ETV4: variants seen among roughly 807,000 people sequenced by gnomAD.
The protein encoded by ETV4 is ETS variant transcription factor 4.
A neutral mutation model predicts 65.9 loss-of-function variants in ETV4; 42 were observed. The ratio of observed to expected loss-of-function variants is 0.64; its 90% CI spans 0.50 to 0.82. The LOEUF is 0.82. ETV4 is among the 40% of genes least tolerant of loss of function. ETV4 has a pLI of 0.00. For synonymous variants in ETV4, 238 were observed against 260.0 expected, an observed-to-expected ratio of 0.92 and a Z score of 0.81; for missense variants, 583 against 630.3, an observed-to-expected ratio of 0.92 and a Z score of 0.80.
chr17:43,536,530 T>C, intron 4 of ETV4, 51 bp from the exon 5 acceptor site: 1 of 1,560,900 alleles, frequency 6.4e-7, no homozygotes, highest in South Asian at 1.1e-5. Flanking sequence ...GGTTGTCCCC[T>C]GGGAGGCTCC....
chr17:43,545,163 T>G, intron 3 of ETV4, 111 bp downstream of exon 3: 11 of 1,270,258 alleles, frequency 8.7e-6, no homozygotes, highest in Non-Finnish European at 1.0e-5. Flanking sequence ...GCGAGTTTTT[T>G]GGGGAAACAG....
At chr17:43,530,620 G>GCA (rs1473927580) in intron 8 of ETV4, among the ~76,000 whole-genome samples, 16 of 151,730 alleles carry the variant, frequency 1.1e-4, no homozygotes, top group Admixed American at 1.0e-3. Context: ...GTGTGTGTGT[G>GCA]TGTGTGTGTG....
Position 43,545,194 on chromosome 17 carries a change from C to CGTGTGTGT in ETV4, c.154+72_154+79dup, listed in dbSNP as rs34640745. The CGTGTGTGT allele has an allele frequency of 0.046, 28,640 of 629,290 alleles. 386 individuals are homozygous for CGTGTGTGT. Among genetic ancestry groups the CGTGTGTGT allele is most frequent in the African/African-American group, 0.08 (3,619 of 45,124 alleles). The allele number at this position is 629,290 out of a possible 1,614,324, so 39.0% of individuals were successfully genotyped here. Reference sequence around the variant, plus strand: ...AACAGGCGGGGGTTCCAGAATCGGCCGTGTGTGTGTGTGTGTGTGTGTGTG... The same window carrying CGTGTGTGT: ...AACAGGCGGGGGTTCCAGAATCGGCCGTGTGTGTGTGTGTGTGTGTGTGTGTGTGTGTG... On this transcript the variant is annotated intron_variant, in intron 3 of 12. Coordinates refer to ENST00000319349, the MANE Select transcript of ETV4 (RefSeq NM_001079675.5).
intron 5 of ETV4, 35 bp from the exon 6 acceptor site, chr17:43,534,020 C>A: frequency 6.8e-7 from 1 of 1,479,434 alleles, no homozygotes; most frequent in Non-Finnish European, 8.9e-7. Flanking sequence ...AAGGCCAGAG[C>A]CTGTCACACA....
intron 4 of ETV4, among the ~76,000 whole-genome samples, chr17:43,542,956 G>T (rs1170200223): frequency 6.6e-6 from 1 of 152,178 alleles, no homozygotes; most frequent in Non-Finnish European, 1.5e-5. Context: ...CCCATGGGTT[G>T]CCGGGGTCAC....
At chr17:43,537,733 G>GCCTGTAATC (rs1971318849) in intron 4 of ETV4, among the ~76,000 whole-genome samples, 1 of 151,918 alleles carries the variant, frequency 6.6e-6, no homozygotes, top group Non-Finnish European at 1.5e-5. Flanking sequence ...GGTGGCTCAT[G>GCCTGTAATC]CCTGTAATCC....
intron 4 of ETV4, among the ~76,000 whole-genome samples, chr17:43,543,727 G>A (rs1185332225): frequency 6.6e-6 from 1 of 152,178 alleles, no homozygotes; most frequent in Non-Finnish European, 1.5e-5. Context: ...CGGGGATGAT[G>A]CACACAATAC....
At chr17:43,536,897 T>C (rs1281810021) in intron 4 of ETV4, among the ~76,000 whole-genome samples, 2 of 152,248 alleles carry the variant, frequency 1.3e-5, no homozygotes, top group African/African-American at 2.4e-5. Flanking sequence ...TCTCAGAACC[T>C]GTCTGAGCAG....
intron 4 of ETV4, among the ~76,000 whole-genome samples, chr17:43,537,631 G>C (rs143045212): frequency 2.0e-5 from 3 of 152,144 alleles, no homozygotes; most frequent in African/African-American, 7.2e-5. Flanking sequence ...AGGAGGCAGA[G>C]GTTGCAGTCA....
At position 43,533,942 on chromosome 17, in the gene ETV4, CTG is replaced by C; in HGVS notation, c.298_299del (p.Gln100GlufsTer31). 2 of 1,549,650 alleles carry C rather than the reference CTG, an allele frequency of 1.3e-6. No individual in the cohort carries two copies. Among genetic ancestry groups the C allele is most frequent in the Non-Finnish European group, 1.7e-6 (2 of 1,158,122 alleles). On this transcript the variant is annotated frameshift_variant, in exon 6 of 13. Transcript: ENST00000319349. LOFTEE classifies it high-confidence loss of function. ...SPTTRIKKEP[Q>X]SPRTDPALSC... ...ACAGGGCCGGGTCTGTGCGGGGACT[CTG>C]GGGCTCCTTCTTGATCCTGGTGGTG...
intron 4 of ETV4, 81 bp from the exon 5 acceptor site, chr17:43,536,560 T>C: frequency 7.9e-7 from 1 of 1,262,220 alleles, no homozygotes; most frequent in Non-Finnish European, 1.2e-6. Context: ...GCCCTGCAGA[T>C]TAGCAACAGC....
intron 6 of ETV4, 128 bp from the exon 7 acceptor site, chr17:43,533,476 G>A: frequency 1.1e-6 from 1 of 884,810 alleles, no homozygotes; most frequent in South Asian, 1.8e-5. Context: ...GCTGAGAAGG[G>A]AACGGCAGGA....
Position 43,544,678 on chromosome 17 carries a change from T to C in ETV4, c.202+297A>G, listed in dbSNP as rs117973220. The stretch of plus-strand genomic sequence containing the variant: ...CAAATGAAAATTTCAACCAGGAAAA[T>C]GGGCCTGGGGCCAAGTTCCATTCAA... On this transcript the variant is annotated intron_variant, in intron 4 of 12. Coordinates refer to ENST00000319349, the MANE Select transcript of ETV4 (RefSeq NM_001079675.5). 404 of 283,916 alleles carry C rather than the reference T, an allele frequency of 1.4e-3. 2 individuals carry two copies. Among genetic ancestry groups the C allele is most frequent in the Non-Finnish European group, 9.9e-4 (149 of 150,646 alleles). The allele number at this position is 283,916 out of a possible 1,614,324, so 17.6% of individuals were successfully genotyped here. A position where few individuals can be genotyped will look rare whatever the true frequency, so the allele number is the denominator to read the frequency against.
At chr17:43,533,020 G>C (rs1050036172) in intron 7 of ETV4, 81 bp from the exon 8 acceptor site, 184 of 1,516,072 alleles carry the variant, frequency 1.2e-4, no homozygotes, top group Non-Finnish European at 1.6e-4. Context: ...TAGGCTTTTA[G>C]AGTGGGCTCC....
chr17:43,545,901 G>T, intron 1 of ETV4: 1 of 568,102 alleles, frequency 1.8e-6, no homozygotes, highest in Non-Finnish European at 3.1e-6. Context: ...GCTTTCTGCA[G>T]CCCTGCTTTA....
chr17:43,545,733 G>T, intron 1 of ETV4, 65 bp from the exon 2 acceptor site: 2 of 851,368 alleles, frequency 2.3e-6, no homozygotes, highest in South Asian at 1.5e-5. Flanking sequence ...GCGGGGAGGG[G>T]GCAGTCCCAA....
At chr17:43,534,549 T>G (rs1971135218) in intron 5 of ETV4, among the ~76,000 whole-genome samples, 1 of 152,096 alleles carries the variant, frequency 6.6e-6, no homozygotes, top group Non-Finnish European at 1.5e-5. Context: ...AGAAAACACT[T>G]TCAAGGAGTG....
At chr17:43,536,305 A>T in intron 5 of ETV4, 121 bp downstream of exon 5, 1 of 869,714 alleles carries the variant, frequency 1.1e-6, no homozygotes, top group Admixed American at 2.2e-5. Context: ...CTTGGTCTTT[A>T]AGATCAAACC....
intron 8 of ETV4, 59 bp from the exon 9 acceptor site, chr17:43,530,240 GA>G (rs1970841682): frequency 6.4e-7 from 1 of 1,550,910 alleles, no homozygotes; most frequent in Middle Eastern, 1.7e-4. Context: ...GAGGGCAGGG[GA>G]GGAGGAAGTC....
Sources: gnomAD v4.1 joint callset for allele counts (sites outside exome capture counted in the v4.1 genomes callset) on GRCh38, gnomAD v4.1.1 for gene constraint, MANE v1.5 for transcripts, NCBI Gene and HGNC (gene_info 2026-07-23, HGNC 2026-07-21) for gene names.